ZNF710: variants seen among roughly 807,000 people sequenced by gnomAD.
ZNF710 encodes the protein zinc finger protein 710.
ZNF710 carries 13 observed loss-of-function variants against 50.6 expected under a neutral mutation model. The ratio of observed to expected loss-of-function variants is 0.26; its 90% CI spans 0.17 to 0.41. The LOEUF (loss-of-function observed/expected upper bound fraction) is 0.41, where lower values mean the gene tolerates loss of function less well. Among genes scored for constraint, ZNF710 ranks in the 10% least tolerant of loss-of-function variants. The pLI, the probability that ZNF710 is intolerant of heterozygous loss-of-function variation, is 1.00. For synonymous variants in ZNF710, 383 were observed against 397.0 expected, an observed-to-expected ratio of 0.96 and a Z score of 0.42; for missense variants, 721 against 936.6, an observed-to-expected ratio of 0.77 and a Z score of 3.01.
chr15:90,000,822 C>G (rs1398736323), upstream of ZNF710, among the ~76,000 whole-genome samples: 1 of 152,134 alleles, frequency 6.6e-6, no homozygotes, highest in Non-Finnish European at 1.5e-5. Flanking sequence ...ACACCCGCAC[C>G]GGCTCTCCTC....
At chr15:90,019,030 GATT>G (rs1236737203) in intron 1 of ZNF710, among the ~76,000 whole-genome samples, 1 of 151,142 alleles carries the variant, frequency 6.6e-6, no homozygotes, top group African/African-American at 2.4e-5. Flanking sequence ...AGAGGTTGAT[GATT>G]ATTGCAGAAA....
At chr15:90,052,914 C>G (rs749505800) in intron 1 of ZNF710, among the ~76,000 whole-genome samples, 7 of 152,130 alleles carry the variant, frequency 4.6e-5, no homozygotes, top group Non-Finnish European at 8.8e-5. Flanking sequence ...GCCTGGGCGA[C>G]AGAGAGAGAC....
chr15:90,074,426 G>T, intron 4 of ZNF710, 136 bp downstream of exon 4: 1 of 1,544,046 alleles, frequency 6.5e-7, no homozygotes, highest in Admixed American at 1.9e-5. Context: ...GTCTGGAAGG[G>T]GGGTACCCTG....
chr15:90,045,635 C>G (rs542217845), intron 1 of ZNF710, among the ~76,000 whole-genome samples: 1 of 152,228 alleles, frequency 6.6e-6, no homozygotes, highest in South Asian at 2.1e-4. Context: ...CTCAAAGCTC[C>G]TGTGTTTGGC....
At chr15:90,014,705 T>A (rs1283957222) in intron 1 of ZNF710, among the ~76,000 whole-genome samples, 1 of 151,844 alleles carries the variant, frequency 6.6e-6, no homozygotes, top group Non-Finnish European at 1.5e-5. Context: ...AGAGAAAAAA[T>A]TAATATATTT....
chr15:90,009,383 G>A (rs1045435125), intron 1 of ZNF710, among the ~76,000 whole-genome samples: 7 of 152,080 alleles, frequency 4.6e-5, no homozygotes, highest in Non-Finnish European at 1.0e-4. Flanking sequence ...ACAAGCCATC[G>A]CTTCCCATCG....
chr15:90,018,868 ATGTCTC>A (rs1898529239), intron 1 of ZNF710, among the ~76,000 whole-genome samples: 1 of 146,432 alleles, frequency 6.8e-6, no homozygotes, highest in Admixed American at 6.9e-5. Flanking sequence ...TGGATTTAAG[ATGTCTC>A]TGTCTAGTGG....
upstream of ZNF710, among the ~76,000 whole-genome samples, chr15:89,999,224 C>G (rs535442327): frequency 7.9e-5 from 12 of 152,158 alleles, no homozygotes; most frequent in South Asian, 2.1e-4. Context: ...TCTTGGTTCA[C>G]TCTTGCCTGT....
chr15:90,079,814 C>A lies in ZNF710; in HGVS notation c.1980C>A (p.Tyr660Ter). Residue 660 changes from tyrosine to a stop codon, truncating the protein, a stop_gained, in exon 5 of 5, where the codon TAC (tyrosine) becomes TAA (stop). Coordinates refer to ENST00000268154, the MANE Select transcript of ZNF710 (RefSeq NM_198526.4). LOFTEE classifies it high-confidence loss of function. Reference sequence around the variant, plus strand: ...AACAGGCCATGAAAGAGATGGCCTACTACAATGTGCTATAGCGCAAGCTGG... The same window carrying A: ...AACAGGCCATGAAAGAGATGGCCTAATACAATGTGCTATAGCGCAAGCTGG... ...LTEQAMKEMA[Y>*]YNVL The A allele has an allele frequency of 2.5e-6, 4 of 1,606,280 alleles. No individual in the cohort carries two copies. The highest frequency in any genetic ancestry group is 3.4e-6 in the Non-Finnish European group (4 of 1,177,388).
intron 1 of ZNF710, among the ~76,000 whole-genome samples, chr15:90,036,797 T>A (rs1181956281): frequency 6.6e-6 from 1 of 152,188 alleles, no homozygotes; most frequent in African/African-American, 2.4e-5. Flanking sequence ...TACTTCTGGC[T>A]TCCCATGCCT....
chr15:90,021,203 G>A (rs1178847697), intron 1 of ZNF710, among the ~76,000 whole-genome samples: 1 of 152,244 alleles, frequency 6.6e-6, no homozygotes, highest in Non-Finnish European at 1.5e-5. Flanking sequence ...GAAACACAGA[G>A]CTGCTCTTTT....
intron 1 of ZNF710, among the ~76,000 whole-genome samples, chr15:90,058,199 C>T (rs531883495): frequency 1.3e-5 from 2 of 152,160 alleles, no homozygotes; most frequent in South Asian, 4.1e-4. Flanking sequence ...ACTCAGAGCT[C>T]CTGGGCCTGA....
intron 1 of ZNF710, among the ~76,000 whole-genome samples, chr15:90,056,695 C>T (rs1460956647): frequency 1.3e-5 from 2 of 152,204 alleles, no homozygotes; most frequent in East Asian, 1.9e-4. Context: ...GGATCAGGCC[C>T]ATGGCTTCTG....
At chr15:90,025,972 A>G (rs910387019) in intron 1 of ZNF710, 3 of 152,152 alleles carry the variant, frequency 2.0e-5, no homozygotes, top group African/African-American at 7.2e-5. Context: ...ATAGCCTTAA[A>G]TGCTTTTATT....
At chr15:90,054,649 C>G (rs995943522) in intron 1 of ZNF710, among the ~76,000 whole-genome samples, 1 of 152,238 alleles carries the variant, frequency 6.6e-6, no homozygotes, top group Non-Finnish European at 1.5e-5. Context: ...AGTTCAAGCG[C>G]AGTGAATGGT....
chr15:90,054,156 G>A (rs191419395), intron 1 of ZNF710, among the ~76,000 whole-genome samples: 7 of 152,308 alleles, frequency 4.6e-5, no homozygotes, highest in Admixed American at 3.3e-4. Context: ...AAGGACAGAG[G>A]GGGATTTGGA....
chr15:90,042,459 G>A (rs1899326918), intron 1 of ZNF710, among the ~76,000 whole-genome samples: 1 of 151,804 alleles, frequency 6.6e-6, no homozygotes, highest in Non-Finnish European at 1.5e-5. Context: ...CACACAGACT[G>A]AGCGCTCAGT....
intron 1 of ZNF710, among the ~76,000 whole-genome samples, chr15:90,028,693 G>A (rs550154959): frequency 6.6e-6 from 1 of 152,340 alleles, no homozygotes; most frequent in East Asian, 1.9e-4. Context: ...GCATGGAGGT[G>A]ATTTGTTGGG....
intron 1 of ZNF710, among the ~76,000 whole-genome samples, chr15:90,044,507 G>T (rs553601661): frequency 6.6e-6 from 1 of 152,308 alleles, no homozygotes; most frequent in Non-Finnish European, 1.5e-5. Context: ...TAAGGGGCCC[G>T]CCACCTTGGG....
Sources: allele counts gnomAD v4.1 joint callset (sites outside exome capture counted in the v4.1 genomes callset), GRCh38; gene constraint gnomAD v4.1.1; transcripts MANE v1.5; gene names NCBI Gene and HGNC (gene_info 2026-07-23, HGNC 2026-07-21).